Variants in TTLL3 observed in about 807,000 individuals in gnomAD.
TTLL3 encodes tubulin tyrosine ligase like 3, also known as tubulin monoglycylase TTLL3.
A neutral mutation model predicts 75.2 loss-of-function variants in TTLL3; 63 were observed. That is an observed-to-expected ratio of 0.84 (90% CI 0.68 to 1.03). The LOEUF is 1.03. TTLL3 is among the 50% of genes least tolerant of loss of function. The pLI is 0.00. For synonymous variants in TTLL3, 393 were observed against 418.5 expected, an observed-to-expected ratio of 0.94 and a Z score of 0.74; for missense variants, 997 against 1,069.9, an observed-to-expected ratio of 0.93 and a Z score of 0.95.
At chr3:9,834,930 C>T (rs369275406) in intron 13 of TTLL3, 23 bp downstream of exon 13, 2 of 1,614,104 alleles carry the variant, frequency 1.2e-6, no homozygotes, top group African/African-American at 1.3e-5. Context: ...CTGTGACTCA[C>T]ACCCAGTGGA....
chr3:9,820,314 A>AG (rs935548193), intron 7 of TTLL3: 126 of 1,376,012 alleles, frequency 9.2e-5, no homozygotes, highest in Non-Finnish European at 1.1e-4. Flanking sequence ...CATTTAGGGC[A>AG]GAGCCTCGAG....
rs1192559317 is a variant in TTLL3, at chr3:9,834,622, G to A, written c.1826-59G>A. The A allele has an allele frequency of 2.5e-6, 4 of 1,604,392 alleles. No homozygotes were observed. In the African/African-American group the frequency reaches 4.0e-5, roughly 16 times the overall value. On this transcript the variant is annotated intron_variant, in intron 12 of 13. Transcript: ENST00000685419. ...CCCATCCTCCACACGTACCTGTTAG[G>A]GCAGCTAGGCCACCTTGGGCCCCAC... is the stretch of plus-strand genomic sequence containing the variant.
chr3:9,809,756 A>G (rs1034706023), upstream of TTLL3: 5 of 353,970 alleles, frequency 1.4e-5, no homozygotes, highest in East Asian at 4.2e-5. Context: ...CTGCTCATCA[A>G]GGGTCTGGGT....
Position 9,829,291 on chromosome 3 carries a change from G to A in TTLL3, c.1579G>A (p.Ala527Thr). 1 of 1,614,076 alleles carries A rather than the reference G, an allele frequency of 6.2e-7. No homozygotes were observed. The highest frequency in any genetic ancestry group is 8.5e-7 in the Non-Finnish European group (1 of 1,180,032). ...GATGGCACCCTCCACAGCAGTCACT[G>A]CCCGGCTCTGTGCTGGCGTGCAAGC... ...PTMAPSTAVTARLCAGVQADT... is the reference protein window; with the variant it reads ...PTMAPSTAVTTRLCAGVQADT... Residue 527 changes from alanine (A) to threonine (T), a missense_variant, in exon 11 of 14, where the codon GCC becomes ACC. Transcript: ENST00000685419.
chr3:9,812,881 A>G (rs757809010), intron 2 of TTLL3, 62 bp from the exon 3 acceptor site: 47 of 1,414,938 alleles, frequency 3.3e-5, no homozygotes, highest in Non-Finnish European at 4.0e-5. Flanking sequence ...TCACCTTTAT[A>G]TCCCCTATGT....
rs527839800 is a variant in TTLL3 at position 9,817,109 on chromosome 3, G to A, written c.445-536G>A. On this transcript the variant is annotated intron_variant, in intron 5 of 13. Coordinates refer to ENST00000685419, the MANE Select transcript of TTLL3 (RefSeq NM_001387446.1). ...ATTATAGGTGTGAGCCACCGCGCTC[G>A]GCCTTGGCAGCTCTTTAAGAATGAG... 1.1e-4 allele frequency among the ~76,000 whole-genome samples: 16 copies of A among 152,218 alleles called. No homozygotes were observed. The South Asian group carries it at 1.2e-3, about 12-fold the overall frequency.
At position 9,829,301 on chromosome 3, in the gene TTLL3, G is replaced by T. The variant is rs1471881858; in HGVS notation, c.1589G>T (p.Cys530Phe). 3.1e-6 allele frequency: 5 copies of T among 1,613,988 alleles called. No homozygotes were observed. The highest frequency in any genetic ancestry group is 4.2e-6 in the Non-Finnish European group (5 of 1,179,970). The change falls in exon 11 of 14, where the codon TGT becomes TTT. Residue 530 changes from cysteine to phenylalanine, a missense_variant. Coordinates refer to ENST00000685419, the MANE Select transcript of TTLL3 (RefSeq NM_001387446.1). Reference protein sequence around the residue: ...APSTAVTARLCAGVQADTLRV... With the variant: ...APSTAVTARLFAGVQADTLRV... ...TCCACAGCAGTCACTGCCCGGCTCT[G>T]TGCTGGCGTGCAAGCTGACACCCTG...
chr3:9,825,128 A>G (rs977316616), intron 8 of TTLL3, among the ~76,000 whole-genome samples: 6 of 152,248 alleles, frequency 3.9e-5, no homozygotes, highest in African/African-American at 1.4e-4. Context: ...GAACAGGAGG[A>G]TGGCCTGAGG....
intron 7 of TTLL3, 105 bp downstream of exon 7, chr3:9,819,025 G>A (rs2080162661): frequency 1.3e-5 from 19 of 1,429,502 alleles, no homozygotes; most frequent in Non-Finnish European, 1.7e-5. Flanking sequence ...GCACCTACTG[G>A]TTCATCCACA....
In TTLL3 at chr3:9,829,166, C is replaced by T; in HGVS notation, c.1454C>T (p.Thr485Ile). 3.7e-6 allele frequency: 6 copies of T among 1,614,208 alleles called. No homozygotes were observed. The highest frequency in any genetic ancestry group is 2.2e-5 in the East Asian group (1 of 44,888). The change falls in exon 11 of 14, where the codon ACC becomes ATC. Residue 485 changes from threonine (T) to isoleucine (I), a missense_variant. Physicochemically the swap from Thr to Ile is moderately conservative, Grantham distance 89. Coordinates refer to ENST00000685419, the MANE Select transcript of TTLL3 (RefSeq NM_001387446.1). ...VIHALQTSQD[T>I]VQCRKASFEL... ...CACGCACTTCAGACCTCCCAGGACA[C>T]CGTGCAGTGTCGGAAGGCCAGCTTT...
At position 9,825,946 on chromosome 3, in the gene TTLL3, G is replaced by A. The variant is rs762616237; in HGVS notation, c.1001G>A (p.Arg334Gln). The change falls in exon 9 of 14, where the codon CGA becomes CAA. Residue 334 changes from arginine (R) to glutamine (Q), a missense_variant and splice_region_variant. Physicochemically the swap from Arg to Gln is conservative, Grantham distance 43. Transcript: ENST00000685419. The stretch of plus-strand genomic sequence containing the variant: ...AAGCCAGGAGCCAAGTCCCGCGGAC[G>A]AGGTGGGGGTCAGCTCCTGCTTCCT... ...IVKPGAKSRG[R>Q]GIMCMDHLEE... The A allele has an allele frequency of 5.6e-6, 9 of 1,612,428 alleles. No homozygotes were observed. Among genetic ancestry groups the A allele is most frequent in the South Asian group, 2.2e-5 (2 of 91,064 alleles).
intron 8 of TTLL3, 84 bp from the exon 9 acceptor site, chr3:9,825,716 G>T (rs1263900883): frequency 3.7e-6 from 6 of 1,611,800 alleles, no homozygotes; most frequent in African/African-American, 1.3e-5. Flanking sequence ...TGACGGCGGG[G>T]GATGGTGGAA....
At chr3:9,820,321 C>A in intron 7 of TTLL3, 1 of 1,387,056 alleles carries the variant, frequency 7.2e-7, no homozygotes, top group African/African-American at 1.4e-5. Flanking sequence ...GGCAGAGCCT[C>A]GAGTGACAGG....
intron 4 of TTLL3, among the ~76,000 whole-genome samples, chr3:9,813,740 G>A (rs2079556896): frequency 6.6e-6 from 1 of 152,012 alleles, no homozygotes; most frequent in Non-Finnish European, 1.5e-5. Context: ...AGCTATGATC[G>A]CACCATTGCA....
intron 8 of TTLL3, 67 bp downstream of exon 8, chr3:9,820,808 G>A (rs1051468165): frequency 3.7e-5 from 58 of 1,577,934 alleles, no homozygotes; most frequent in Non-Finnish European, 4.4e-5. Context: ...TTTCTGTCTC[G>A]TGCAGCCCCT....
chr3:9,810,726 G>C lies in TTLL3; in HGVS notation c.48+17G>C. ...GCTGTCAAGGTCAGAGGAGGGGCAG[G>C]GGCGCTTAGAAAGGGCCCTGGGAGC... On this transcript the variant is annotated intron_variant, in intron 2 of 13. Coordinates refer to ENST00000685419, the MANE Select transcript of TTLL3 (RefSeq NM_001387446.1). This position sits in a 1 kb window ranked among gnomAD's most constrained non-coding sequence, Gnocchi z 4.4. 2 of 1,577,760 alleles carry C rather than the reference G, an allele frequency of 1.3e-6. No individual in the cohort carries two copies. Among genetic ancestry groups the C allele is most frequent in the Non-Finnish European group, 1.7e-6 (2 of 1,161,988 alleles).
In TTLL3 at chr3:9,829,314, A is replaced by G. The variant is rs1559226830; in HGVS notation, c.1602A>G (p.Gln534=). The G allele has an allele frequency of 6.2e-7, 1 of 1,613,792 alleles. No individual in the cohort carries two copies. Among genetic ancestry groups the G allele is most frequent in the South Asian group, 1.1e-5 (1 of 91,064 alleles). The change falls in exon 11 of 14, where the codon CAA becomes CAG. Residue 534 remains glutamine (Q), a synonymous_variant. Coordinates refer to ENST00000685419, the MANE Select transcript of TTLL3 (RefSeq NM_001387446.1). ...CTGCCCGGCTCTGTGCTGGCGTGCA[A>G]GCTGACACCCTGCGCGTGGTCATTG... ...AVTARLCAGV[Q]ADTLRVVIDR...
chr3:9,817,300 T>C (rs1559738199), intron 5 of TTLL3: 1 of 297,120 alleles, frequency 3.4e-6, no homozygotes, highest in Non-Finnish European at 5.0e-6. Context: ...GTCGGGCGCC[T>C]GTAGTCCCAG....
intron 12 of TTLL3, chr3:9,833,973 G>A (rs1241224526): frequency 2.8e-5 from 5 of 176,106 alleles, no homozygotes; most frequent in African/African-American, 9.6e-5. Context: ...TTAGCCGAGT[G>A]TAGGGGCAGG....
Sources: gnomAD v4.1 joint callset for allele counts (sites outside exome capture counted in the v4.1 genomes callset) on GRCh38, gnomAD v4.1.1 for gene constraint, Gnocchi (gnomAD v3.1) non-coding constraint, MANE v1.5 for transcripts, NCBI Gene and HGNC (gene_info 2026-07-23, HGNC 2026-07-21) for gene names.